The following FARS2 variants were observed in gnomAD, a reference collection of about 807,000 sequenced individuals.
FARS2 encodes the protein phenylalanine--tRNA ligase, mitochondrial.
Under a neutral mutation model 46.4 loss-of-function variants are expected in FARS2, and 40 were observed. The ratio of observed to expected loss-of-function variants is 0.86; its 90% CI spans 0.67 to 1.12. The LOEUF (loss-of-function observed/expected upper bound fraction) is 1.12, where lower values mean the gene tolerates loss of function less well. Ranked by LOEUF, FARS2 falls within the 50% of genes most tolerant of loss-of-function variation. FARS2 has a pLI of 0.00. For synonymous variants in FARS2, 234 were observed against 214.9 expected, an observed-to-expected ratio of 1.09 and a Z score of -0.78; for missense variants, 513 against 567.9, an observed-to-expected ratio of 0.90 and a Z score of 0.98.
At chr6:5,459,133 C>A (rs975319324) in intron 4 of FARS2, among the ~76,000 whole-genome samples, 3 of 152,164 alleles carry the variant, frequency 2.0e-5, no homozygotes, top group Admixed American at 2.0e-4. Flanking sequence ...AACATGATTC[C>A]TCTGAGAGCA....
intron 6 of FARS2, among the ~76,000 whole-genome samples, chr6:5,696,476 A>T (rs570166888): frequency 2.7e-4 from 41 of 152,300 alleles, no homozygotes; most frequent in Non-Finnish European, 5.6e-4. Flanking sequence ...TAGCCAGTAG[A>T]GATATGAAAT....
chr6:5,383,438 A>G (rs868452777), intron 2 of FARS2, among the ~76,000 whole-genome samples: 103 of 152,364 alleles, frequency 6.8e-4, no homozygotes, highest in Non-Finnish European at 5.1e-4. Flanking sequence ...CCAGAATAAC[A>G]CCAGCTTTTG....
intron 4 of FARS2, among the ~76,000 whole-genome samples, chr6:5,461,078 A>G (rs1765215884): frequency 6.7e-6 from 1 of 149,864 alleles, no homozygotes; most frequent in Non-Finnish European, 1.5e-5. Flanking sequence ...TCACTCTGTC[A>G]TTTAAGTTGG....
intron 2 of FARS2, 71 bp downstream of exon 2, chr6:5,369,253 G>C: frequency 6.9e-7 from 1 of 1,458,912 alleles, no homozygotes; most frequent in Non-Finnish European, 9.3e-7. Flanking sequence ...CTAACATTTA[G>C]CTCGATGAGA....
chr6:5,366,038 G>A (rs1353384035), intron 1 of FARS2, among the ~76,000 whole-genome samples: 1 of 152,062 alleles, frequency 6.6e-6, no homozygotes, highest in Non-Finnish European at 1.5e-5. Context: ...GAGGCAGGAA[G>A]GGCAGGCACA....
chr6:5,637,563 C>T (rs138668912), intron 6 of FARS2, among the ~76,000 whole-genome samples: 5 of 152,284 alleles, frequency 3.3e-5, no homozygotes, highest in East Asian at 1.9e-4. Flanking sequence ...TTGCTTCCAG[C>T]GTATTGATTT....
chr6:5,588,215 T>A (rs1363004508), intron 5 of FARS2, among the ~76,000 whole-genome samples: 3 of 150,580 alleles, frequency 2.0e-5, no homozygotes. Context: ...AAGCAGGGGA[T>A]GCAAACATGT....
chr6:5,471,159 G>A lies in FARS2; in HGVS notation c.904+39987G>A, dbSNP rs763105982. On this transcript the variant is annotated intron_variant, in intron 4 of 6. Transcript: ENST00000274680. This position sits in a 1 kb window ranked among gnomAD's most constrained non-coding sequence, Gnocchi z 4.1. ...CCAGAAGCAGCAGTAGAGGGCGCTC[G>A]GCCCCTCATTTCATAATAGTGGAGC... 7.2e-5 allele frequency among the ~76,000 whole-genome samples: 11 copies of A among 152,120 alleles called. No homozygotes were observed. Among genetic ancestry groups the A allele is most frequent in the Non-Finnish European group, 1.6e-4 (11 of 68,030 alleles).
chr6:5,608,831 C>A (rs1448630128), intron 5 of FARS2, among the ~76,000 whole-genome samples: 1 of 151,952 alleles, frequency 6.6e-6, no homozygotes. Context: ...TCTAACTTCA[C>A]ACTCTTGGGG....
intron 6 of FARS2, among the ~76,000 whole-genome samples, chr6:5,726,706 C>T (rs571589157): frequency 6.6e-6 from 1 of 152,290 alleles, no homozygotes; most frequent in African/African-American, 2.4e-5. Context: ...TGGAGGGCTC[C>T]AGAGGGTGGG....
intron 1 of FARS2, among the ~76,000 whole-genome samples, chr6:5,325,096 T>G (rs569033740): frequency 6.6e-6 from 1 of 152,336 alleles, no homozygotes; most frequent in African/African-American, 2.4e-5. Flanking sequence ...GTCTTTTTAG[T>G]TAGGAGGGAA....
intron 1 of FARS2, among the ~76,000 whole-genome samples, chr6:5,292,202 C>T (rs1364330523): frequency 6.6e-6 from 1 of 152,142 alleles, no homozygotes; most frequent in African/African-American, 2.4e-5. Context: ...GATGACAAGA[C>T]ATGAGATTGG....
intron 4 of FARS2, among the ~76,000 whole-genome samples, chr6:5,500,044 G>A (rs1767698600): frequency 6.6e-6 from 1 of 152,188 alleles, no homozygotes; most frequent in Non-Finnish European, 1.5e-5. Flanking sequence ...TAGGGGTGGT[G>A]TCCTTTCCAA....
chr6:5,388,251 T>A (rs1284753746), intron 2 of FARS2, among the ~76,000 whole-genome samples: 1 of 152,200 alleles, frequency 6.6e-6, no homozygotes, highest in Non-Finnish European at 1.5e-5. Flanking sequence ...TCAAAAATCA[T>A]ACACTTGGCA....
intron 1 of FARS2, among the ~76,000 whole-genome samples, chr6:5,342,342 G>A (rs548891693): frequency 6.6e-6 from 1 of 152,306 alleles, no homozygotes; most frequent in Non-Finnish European, 1.5e-5. Flanking sequence ...GAAGACTGTG[G>A]TGCATTTATT....
intron 6 of FARS2, among the ~76,000 whole-genome samples, chr6:5,706,322 G>A (rs1038875964): frequency 1.4e-4 from 22 of 152,296 alleles, no homozygotes; most frequent in Admixed American, 5.9e-4. Context: ...CCCGGGGGTG[G>A]GGGACTCCTG....
chr6:5,503,373 AACACAC>A (rs72295741), intron 4 of FARS2, among the ~76,000 whole-genome samples: 30 of 136,312 alleles, frequency 2.2e-4, no homozygotes, highest in South Asian at 1.3e-3. Context: ...AGGTATTCTT[AACACAC>A]ACACACACAC....
intron 6 of FARS2, among the ~76,000 whole-genome samples, chr6:5,629,201 A>T (rs942967775): frequency 6.6e-6 from 1 of 152,180 alleles, no homozygotes; most frequent in African/African-American, 2.4e-5. Flanking sequence ...AATAACTTTT[A>T]AAAAATGAGT....
At chr6:5,414,723 T>A (rs1218425944) in intron 3 of FARS2, among the ~76,000 whole-genome samples, 1 of 152,100 alleles carries the variant, frequency 6.6e-6, no homozygotes, top group African/African-American at 2.4e-5. Flanking sequence ...CTATAAATAT[T>A]TGTGGACAAG....
Sources: gnomAD v4.1 joint callset for allele counts (sites outside exome capture counted in the v4.1 genomes callset) on GRCh38, gnomAD v4.1.1 for gene constraint, Gnocchi (gnomAD v3.1) non-coding constraint, MANE v1.5 for transcripts, NCBI Gene and HGNC (gene_info 2026-07-23, HGNC 2026-07-21) for gene names.